SLIT1: variants seen among roughly 807,000 people sequenced by gnomAD.
SLIT1 encodes slit guidance ligand 1.
Under a neutral mutation model 186.1 loss-of-function variants are expected in SLIT1, and 66 were observed. The ratio of observed to expected loss-of-function variants is 0.35; its 90% confidence interval spans 0.29 to 0.44. SLIT1 has a LOEUF of 0.44. Ranked by LOEUF, SLIT1 falls within the 20% of genes least tolerant of loss-of-function variation. The pLI, the probability that SLIT1 is intolerant of heterozygous loss-of-function variation, is 1.00. For synonymous variants in SLIT1, 761 were observed against 833.8 expected, an observed-to-expected ratio of 0.91 and a Z score of 1.50; for missense variants, 1,638 against 2,037.4, an observed-to-expected ratio of 0.80 and a Z score of 3.77.
chr10:97,008,083 G>A (rs1394320543), intron 31 of SLIT1, among the ~76,000 whole-genome samples: 1 of 151,716 alleles, frequency 6.6e-6, no homozygotes, highest in Non-Finnish European at 1.5e-5. Context: ...GGAAAGGAAA[G>A]ATAAATAAAA....
chr10:97,087,970 C>T (rs1050679301), intron 4 of SLIT1, among the ~76,000 whole-genome samples: 4 of 152,150 alleles, frequency 2.6e-5, no homozygotes, highest in Non-Finnish European at 5.9e-5. Context: ...GCCCCCGAGA[C>T]CTGCTGCATC....
At chr10:97,049,224 T>A in intron 13 of SLIT1, 106 bp from the exon 14 acceptor site, 1 of 1,365,886 alleles carries the variant, frequency 7.3e-7, no homozygotes, top group South Asian at 1.4e-5. Context: ...AGGCTGCCTG[T>A]GGCCTGGAGC....
chr10:97,030,795 T>C lies in SLIT1; in HGVS notation c.2544A>G (p.Gln848=). 6.2e-7 allele frequency: 1 copy of C among 1,614,086 alleles called. No individual in the cohort carries two copies. The highest frequency in any genetic ancestry group is 8.5e-7 in the Non-Finnish European group (1 of 1,180,000). The change falls in exon 25 of 37, where the codon CAA becomes CAG. Residue 848 remains glutamine (Q), a synonymous_variant. Transcript: ENST00000266058. Reference sequence around the variant, plus strand: ...AGGTCACGTCTGCAAAGATGCCCTCTTGGAGGGTGGAGATGTCATTGCCGT... The same window carrying C: ...AGGTCACGTCTGCAAAGATGCCCTCCTGGAGGGTGGAGATGTCATTGCCGT... ...SLHGNDISTL[Q]EGIFADVTSL... is the part of the protein sequence containing the mutation.
At chr10:97,059,224 C>CT (rs753882519) in intron 11 of SLIT1, among the ~76,000 whole-genome samples, 25 of 152,264 alleles carry the variant, frequency 1.6e-4, no homozygotes, top group Non-Finnish European at 2.2e-4. Context: ...CTCTGCCTAG[C>CT]TTCTCCACAC....
At chr10:97,154,295 G>A (rs916636577) in intron 4 of SLIT1, 6 of 152,230 alleles carry the variant, frequency 3.9e-5, no homozygotes, top group Middle Eastern at 3.2e-3. Context: ...GACAGTGCCC[G>A]TTTTGAGATG....
At chr10:97,001,488 TC>T (rs1486727057) in intron 36 of SLIT1, 138 bp from the exon 37 acceptor site, 2 of 666,564 alleles carry the variant, frequency 3.0e-6, no homozygotes, top group African/African-American at 1.8e-5. Context: ...CCCACCTCTG[TC>T]CCCAGCATAC....
At chr10:97,080,627 G>A (rs1015590960) in intron 4 of SLIT1, among the ~76,000 whole-genome samples, 13 of 152,204 alleles carry the variant, frequency 8.5e-5, no homozygotes, top group African/African-American at 2.7e-4. Context: ...AGGCTGGGGC[G>A]GGTTCACTAT....
chr10:97,090,675 G>A (rs568214988), intron 4 of SLIT1, among the ~76,000 whole-genome samples: 22 of 152,298 alleles, frequency 1.4e-4, no homozygotes, highest in Non-Finnish European at 2.6e-4. Flanking sequence ...GACACTGAGC[G>A]CTGCCACAGG....
Position 97,001,232 on chromosome 10 carries a change from C to T in SLIT1, c.4485G>A (p.Gln1495=). Residue 1495 remains glutamine, a synonymous_variant, in exon 37 of 37, where the codon CAG becomes CAA. Transcript: ENST00000266058. ...WVECRGSCPG[Q]GCCQGLRLKR... ...TCAGCCGAAGGCCCTGGCAGCAGCC[C>T]TGGCCTGGGCACGAGCCCCGGCACT... is the stretch of plus-strand genomic sequence containing the variant. 2.5e-6 allele frequency: 4 copies of T among 1,613,170 alleles called. No homozygotes were observed. Among genetic ancestry groups the T allele is most frequent in the Non-Finnish European group, 3.4e-6 (4 of 1,179,928 alleles).
rs941808048 is a variant in SLIT1 at position 97,021,997 on chromosome 10, G to A, written c.2583-584C>T. 2.0e-5 allele frequency among the ~76,000 whole-genome samples: 3 copies of A among 152,222 alleles called. No homozygotes were observed. Among genetic ancestry groups the A allele is most frequent in the Non-Finnish European group, 4.4e-5 (3 of 68,034 alleles). Reference sequence around the variant, plus strand: ...TTTGCCTAAGATCACACAGAGAAACGGGAAGCTGTTGGGGCCATGCTGTTG... The same window carrying A: ...TTTGCCTAAGATCACACAGAGAAACAGGAAGCTGTTGGGGCCATGCTGTTG... On this transcript the variant is annotated intron_variant, in intron 25 of 36. Coordinates refer to ENST00000266058, the MANE Select transcript of SLIT1 (RefSeq NM_003061.3). The surrounding 1 kb of genome is among the most constrained non-coding windows in gnomAD (Gnocchi z 4.5).
chr10:97,009,020 C>T (rs965781140), intron 31 of SLIT1, among the ~76,000 whole-genome samples: 2 of 152,052 alleles, frequency 1.3e-5, no homozygotes, highest in African/African-American at 4.8e-5. Flanking sequence ...GCTGGGACTA[C>T]AGGTGACTGC....
intron 4 of SLIT1, among the ~76,000 whole-genome samples, chr10:97,106,745 C>T (rs1164103359): frequency 3.3e-5 from 5 of 152,016 alleles, no homozygotes; most frequent in South Asian, 4.2e-4. Flanking sequence ...TGTGCTGCGC[C>T]GCTCTACCCC....
intron 1 of SLIT1, among the ~76,000 whole-genome samples, chr10:97,166,560 A>AAGGAAG (rs751539002): frequency 1.1e-4 from 5 of 46,724 alleles, no homozygotes; most frequent in Admixed American, 2.2e-4. Flanking sequence ...GGAAGGAAAG[A>AAGGAAG]GAGAGAGAGA....
intron 23 of SLIT1, among the ~76,000 whole-genome samples, chr10:97,032,726 C>T (rs1277975662): frequency 3.4e-5 from 5 of 148,846 alleles, no homozygotes; most frequent in Admixed American, 7.0e-5. Context: ...CTTGCAATAG[C>T]GTCATGCTGG....
At chr10:97,012,075 TACACACACACACACACACACACACAC>T (rs35171328) in intron 30 of SLIT1, among the ~76,000 whole-genome samples, 16 of 130,918 alleles carry the variant, frequency 1.2e-4, no homozygotes, top group East Asian at 8.8e-4. Flanking sequence ...TCAAGCCCAG[TACACACACACACACACACACACACAC>T]ACACACACAC....
chr10:97,031,758 G>A (rs959108825), intron 23 of SLIT1, 81 bp from the exon 24 acceptor site: 10 of 1,137,704 alleles, frequency 8.8e-6, no homozygotes, highest in Non-Finnish European at 1.3e-5. Context: ...GGACGTGGAG[G>A]TCCCTCTCAC....
At chr10:97,079,273 G>C (rs1398191904) in intron 4 of SLIT1, among the ~76,000 whole-genome samples, 1 of 152,168 alleles carries the variant, frequency 6.6e-6, no homozygotes, top group African/African-American at 2.4e-5. Flanking sequence ...TCGGGATGGG[G>C]GGTGCAGGGA....
Position 97,098,580 on chromosome 10 carries a change from G to A in SLIT1, c.414-32494C>T, listed in dbSNP as rs1849316064. On this transcript the variant is annotated intron_variant, in intron 4 of 36. Transcript: ENST00000266058. ...GTGTGCACAGAGAAACAAGCTAGGA[G>A]GTGCCTGGGCTGGGCAGGTGCCCAA... Among the ~76,000 whole-genome samples the A allele has an allele frequency of 2.6e-5, 4 of 152,230 alleles. No homozygotes were observed. The South Asian group carries it at 8.3e-4, about 31-fold the overall frequency.
intron 4 of SLIT1, among the ~76,000 whole-genome samples, chr10:97,111,675 C>T (rs1849465915): frequency 6.6e-6 from 1 of 152,144 alleles, no homozygotes; most frequent in African/African-American, 2.4e-5. Flanking sequence ...TTTGATAATG[C>T]CTATTCTCTG....
Sources: gnomAD v4.1 joint callset for allele counts (sites outside exome capture counted in the v4.1 genomes callset) on GRCh38, gnomAD v4.1.1 for gene constraint, Gnocchi (gnomAD v3.1) non-coding constraint, MANE v1.5 for transcripts, NCBI Gene and HGNC (gene_info 2026-07-23, HGNC 2026-07-21) for gene names.